Variants in ZNF407 observed in about 807,000 individuals in gnomAD.
ZNF407 encodes zinc finger protein 407.
In ZNF407, 17 loss-of-function variants were observed where a neutral mutation model predicts 131.2. The ratio of observed to expected loss-of-function variants is 0.13; its 90% CI spans 0.09 to 0.19. The LOEUF (loss-of-function observed/expected upper bound fraction) is 0.19, where lower values mean the gene tolerates loss of function less well. Among genes scored for constraint, ZNF407 ranks in the 10% least tolerant of loss-of-function variants. The pLI is 1.00. For synonymous variants in ZNF407, 1,156 were observed against 1,062.0 expected (o/e 1.09, Z -1.72); for missense variants, 2,681 against 2,830.6 (o/e 0.95, Z 1.20).
At chr18:74,778,344 C>T (rs960253583) in intron 3 of ZNF407, among the ~76,000 whole-genome samples, 3 of 152,172 alleles carry the variant, frequency 2.0e-5, no homozygotes, top group African/African-American at 4.8e-5. Context: ...TGGCAGGCAC[C>T]GTGCCTTCAT....
chr18:74,810,437 T>C (rs1970177886), intron 4 of ZNF407, among the ~76,000 whole-genome samples: 1 of 152,144 alleles, frequency 6.6e-6, no homozygotes, highest in African/African-American at 2.4e-5. Context: ...TTCATGTGCA[T>C]TTTAAAGCTG....
chr18:74,790,979 C>A (rs1305594651), intron 4 of ZNF407, among the ~76,000 whole-genome samples: 1 of 152,150 alleles, frequency 6.6e-6, no homozygotes, highest in Admixed American at 6.5e-5. Flanking sequence ...GGGTTTCCCC[C>A]AATTCTTGGT....
rs761310598 is a variant in ZNF407, at chr18:74,784,566, T to G, written c.4877+3064T>G. Among the ~76,000 whole-genome samples the G allele has an allele frequency of 2.6e-5, 4 of 152,246 alleles. 1 individual carries two copies. ...GTGTAAGATTATACTTTTTTGTTCC[T>G]ACATCTGCATTAAATTATTTTAGTG... On this transcript the variant is annotated intron_variant, in intron 4 of 8. Transcript: ENST00000299687.
chr18:74,750,866 A>G (rs535078285), intron 3 of ZNF407, among the ~76,000 whole-genome samples: 1 of 152,266 alleles, frequency 6.6e-6, no homozygotes, highest in African/African-American at 2.4e-5. Context: ...CTTTTTGATT[A>G]TAGCTCACCT....
chr18:75,060,650 C>T (rs905771587), intron 8 of ZNF407, among the ~76,000 whole-genome samples: 14 of 151,872 alleles, frequency 9.2e-5, no homozygotes, highest in Non-Finnish European at 2.1e-4. Context: ...GGATTACAGG[C>T]ACCCGCCACC....
At chr18:74,686,812 G>C (rs548833243) in intron 3 of ZNF407, among the ~76,000 whole-genome samples, 2 of 152,174 alleles carry the variant, frequency 1.3e-5, no homozygotes, top group Non-Finnish European at 2.9e-5. Context: ...CTTTACCTTA[G>C]ACCTTTTAAT....
At chr18:74,980,867 T>G (rs1032103711) in intron 8 of ZNF407, among the ~76,000 whole-genome samples, 4 of 152,068 alleles carry the variant, frequency 2.6e-5, no homozygotes, top group African/African-American at 9.7e-5. Flanking sequence ...CTGCGGCCAC[T>G]TGGAGAGGAG....
intron 1 of ZNF407, among the ~76,000 whole-genome samples, chr18:74,607,850 C>T (rs1982877490): frequency 6.6e-6 from 1 of 152,174 alleles, no homozygotes; most frequent in Non-Finnish European, 1.5e-5. Flanking sequence ...GGTCATTTAT[C>T]TGGAAAGACT....
intron 1 of ZNF407, among the ~76,000 whole-genome samples, chr18:74,619,425 C>T (rs1983431884): frequency 6.6e-6 from 1 of 152,130 alleles, no homozygotes; most frequent in African/African-American, 2.4e-5. Flanking sequence ...TTTTATTCTC[C>T]TAATTCTCTT....
intron 8 of ZNF407, among the ~76,000 whole-genome samples, chr18:75,024,542 T>C (rs552847329): frequency 1.5e-3 from 235 of 152,356 alleles, no homozygotes; most frequent in African/African-American, 5.6e-3. Flanking sequence ...TATTTTCCTT[T>C]CTATTAAACA....
intron 3 of ZNF407, among the ~76,000 whole-genome samples, chr18:74,680,653 A>T (rs547393898): frequency 1.3e-5 from 2 of 152,116 alleles, no homozygotes; most frequent in Non-Finnish European, 2.9e-5. Context: ...TGAAGGCTTA[A>T]CGTCAAATTT....
chr18:75,004,123 G>C (rs571208412), intron 8 of ZNF407, among the ~76,000 whole-genome samples: 50 of 152,334 alleles, frequency 3.3e-4, no homozygotes, highest in African/African-American at 1.2e-3. Context: ...GCCCTGGAGT[G>C]CCTGGTCTCA....
intron 8 of ZNF407, among the ~76,000 whole-genome samples, chr18:74,946,341 AT>A (rs1471345899): frequency 6.6e-6 from 1 of 152,122 alleles, no homozygotes; most frequent in Non-Finnish European, 1.5e-5. Context: ...TAACCATGGC[AT>A]TTGTTCTCTG....
intron 8 of ZNF407, among the ~76,000 whole-genome samples, chr18:74,964,107 C>T (rs566715274): frequency 5.9e-5 from 9 of 152,168 alleles, no homozygotes; most frequent in African/African-American, 1.7e-4. Flanking sequence ...CTTGGACAGG[C>T]GTTAAGTGTA....
intron 7 of ZNF407, among the ~76,000 whole-genome samples, chr18:74,891,705 CATT>C (rs1971387599): frequency 1.3e-5 from 2 of 152,102 alleles, no homozygotes; most frequent in African/African-American, 4.8e-5. Context: ...AAAAAACAAA[CATT>C]ATTAAATGTT....
chr18:74,788,355 T>C (rs8083087), intron 4 of ZNF407, among the ~76,000 whole-genome samples: 143,864 of 152,200 alleles, frequency 0.95, 68,482 homozygotes, highest in East Asian at 1. Context: ...TGCATCCCTG[T>C]GATTAGGCAT....
At chr18:74,852,674 A>C (rs1490302561) in intron 4 of ZNF407, among the ~76,000 whole-genome samples, 2 of 152,174 alleles carry the variant, frequency 1.3e-5, no homozygotes, top group Non-Finnish European at 2.9e-5. Context: ...ATTCAACAGA[A>C]GGGGGCAAAA....
In ZNF407 at chr18:74,754,823, C is replaced by G. The variant is rs149936781; in HGVS notation, c.4803-26605C>G. On this transcript the variant is annotated intron_variant, in intron 3 of 8. Transcript: ENST00000299687. ...TGTGATGCTGAGAAGAATGTATATT[C>G]TGTTGATTCGGGGTGGAGAGTTCTG... 9.9e-3 allele frequency among the ~76,000 whole-genome samples: 1,514 copies of G among 152,318 alleles called. 26 individuals are homozygous for G. The highest frequency in any genetic ancestry group is 0.035 in the African/African-American group (1,451 of 41,564).
chr18:74,610,846 G>A (rs1335951789), intron 1 of ZNF407, among the ~76,000 whole-genome samples: 2 of 152,088 alleles, frequency 1.3e-5, no homozygotes, highest in Non-Finnish European at 2.9e-5. Context: ...GAGCCACCAC[G>A]CCCAGCCTAT....
Sources: gnomAD v4.1 joint callset for allele counts (sites outside exome capture counted in the v4.1 genomes callset) on GRCh38, gnomAD v4.1.1 for gene constraint, MANE v1.5 for transcripts, NCBI Gene and HGNC (gene_info 2026-07-23, HGNC 2026-07-21) for gene names.